PTPN13: variants seen among roughly 807,000 people sequenced by gnomAD.
PTPN13 encodes protein tyrosine phosphatase non-receptor type 13.
In PTPN13, 191 loss-of-function variants were observed where a neutral mutation model predicts 284.0. The observed-to-expected ratio is 0.67, with a 90% CI of 0.60 to 0.76. The LOEUF is 0.76. Ranked by LOEUF, PTPN13 falls within the 30% of genes least tolerant of loss-of-function variation. The probability of loss-of-function intolerance (pLI) is 0.00; values close to 1 mark genes in which losing one functional copy is unlikely to be tolerated. For synonymous variants in PTPN13, 986 were observed against 1,022.3 expected, an observed-to-expected ratio of 0.96 and a Z score of 0.68; for missense variants, 2,797 against 2,939.9, an observed-to-expected ratio of 0.95 and a Z score of 1.12.
chr4:86,713,260 G>GT (rs973771817), intron 7 of PTPN13, among the ~76,000 whole-genome samples: 3 of 151,978 alleles, frequency 2.0e-5, no homozygotes, highest in African/African-American at 7.2e-5. Flanking sequence ...ATTTGGTTAA[G>GT]TTTTTTTGGA....
At chr4:86,657,955 G>A (rs760535361) in intron 2 of PTPN13, among the ~76,000 whole-genome samples, 1 of 152,184 alleles carries the variant, frequency 6.6e-6, no homozygotes, top group African/African-American at 2.4e-5. Flanking sequence ...GCCACAGTTG[G>A]TTTTGCCCTG....
intron 9 of PTPN13, among the ~76,000 whole-genome samples, chr4:86,722,002 CT>C (rs1565412444): frequency 6.6e-6 from 1 of 152,042 alleles, no homozygotes; most frequent in Non-Finnish European, 1.5e-5. Flanking sequence ...CCGCCTTCAC[CT>C]CCCAAAGTGC....
intron 4 of PTPN13, among the ~76,000 whole-genome samples, chr4:86,687,518 G>GT (rs1325665122): frequency 3.9e-5 from 6 of 152,094 alleles, no homozygotes; most frequent in South Asian, 2.1e-4. Context: ...ACTAGGTGTG[G>GT]TTTTTTCTTA....
chr4:86,643,637 A>G (rs1490372279), intron 2 of PTPN13, among the ~76,000 whole-genome samples: 1 of 152,202 alleles, frequency 6.6e-6, no homozygotes, highest in Non-Finnish European at 1.5e-5. Flanking sequence ...ACTAAAAGAA[A>G]AAAGTGTGTA....
chr4:86,693,455 G>A, intron 5 of PTPN13, 132 bp from the exon 6 acceptor site: 1 of 505,356 alleles, frequency 2.0e-6, no homozygotes, highest in Non-Finnish European at 3.5e-6. Flanking sequence ...AAATACAATA[G>A]GACATAGAGT....
intron 42 of PTPN13, among the ~76,000 whole-genome samples, chr4:86,801,078 A>C (rs902652318): frequency 1.3e-5 from 2 of 152,240 alleles, no homozygotes; most frequent in Non-Finnish European, 2.9e-5. Flanking sequence ...GTCTATAGCA[A>C]GACGTTTCCC....
chr4:86,783,586 C>T (rs1741574877), intron 37 of PTPN13, among the ~76,000 whole-genome samples: 1 of 151,994 alleles, frequency 6.6e-6, no homozygotes, highest in African/African-American at 2.4e-5. Flanking sequence ...AATATCTATA[C>T]TATTAATTTC....
chr4:86,778,274 T>G (rs908778006), intron 35 of PTPN13, among the ~76,000 whole-genome samples: 1 of 152,232 alleles, frequency 6.6e-6, no homozygotes, highest in African/African-American at 2.4e-5. Flanking sequence ...AGGATTTTAC[T>G]GTACTTGCAA....
intron 47 of PTPN13, 133 bp downstream of exon 47, chr4:86,811,241 G>C (rs1413221470): frequency 1.4e-6 from 1 of 717,930 alleles, no homozygotes; most frequent in East Asian, 3.2e-5. Context: ...ACTGCAGTGA[G>C]GGGCATTTTT....
At chr4:86,785,479 A>G in intron 39 of PTPN13, 111 bp downstream of exon 39, 1 of 959,028 alleles carries the variant, frequency 1.0e-6, no homozygotes, top group Non-Finnish European at 1.5e-6. Flanking sequence ...TTCCTCATTC[A>G]TGTGTAATAT....
At chr4:86,608,696 C>G (rs1360414004) in intron 1 of PTPN13, among the ~76,000 whole-genome samples, 1 of 152,088 alleles carries the variant, frequency 6.6e-6, no homozygotes, top group Non-Finnish European at 1.5e-5. Flanking sequence ...TCTAGGCAAT[C>G]TGGTTCCGAA....
At position 86,700,066 on chromosome 4, in the gene PTPN13, ATG is replaced by A. The variant is rs1730988774; in HGVS notation, c.635-1173_635-1172del. ...GAAGATGAGGCACAATAAAAGCACA[ATG>A]TTTTAATCTTATCCTTAAGCAATTA... On this transcript the variant is annotated intron_variant, in intron 6 of 47. Coordinates refer to ENST00000411767, the MANE Select transcript of PTPN13 (RefSeq NM_080683.3). Among the ~76,000 whole-genome samples, 3 of 152,330 alleles carry A rather than the reference ATG, an allele frequency of 2.0e-5. No individual in the cohort carries two copies. The South Asian group carries it at 6.2e-4, about 32-fold the overall frequency.
chr4:86,613,609 G>A (rs1047742443), intron 1 of PTPN13, among the ~76,000 whole-genome samples: 4 of 146,130 alleles, frequency 2.7e-5, no homozygotes. Flanking sequence ...ACTCCAGCCT[G>A]GGCGACAAGG....
In PTPN13 at chr4:86,700,475, A is replaced by T. The variant is rs544057661; in HGVS notation, c.635-766A>T. The stretch of plus-strand genomic sequence containing the variant: ...TCACATTTATAGACTACTGCCTTTT[A>T]AAAAAAAGTAAAATGACTACTGATT... On this transcript the variant is annotated intron_variant, in intron 6 of 47. Transcript: ENST00000411767. 3.7e-4 allele frequency among the ~76,000 whole-genome samples: 57 copies of T among 152,026 alleles called. 1 individual carries two copies. Among genetic ancestry groups the T allele is most frequent in the African/African-American group, 1.2e-3 (50 of 41,510 alleles).
intron 1 of PTPN13, among the ~76,000 whole-genome samples, chr4:86,618,502 A>C (rs1223883459): frequency 6.6e-6 from 1 of 152,174 alleles, no homozygotes; most frequent in Non-Finnish European, 1.5e-5. Flanking sequence ...CATTGAATCT[A>C]TAAATTACCT....
chr4:86,739,970 G>A (rs1177498290), intron 15 of PTPN13, among the ~76,000 whole-genome samples: 3 of 152,218 alleles, frequency 2.0e-5, no homozygotes, highest in African/African-American at 7.2e-5. Flanking sequence ...CTCACATCCG[G>A]GTCAAGCTGA....
intron 2 of PTPN13, among the ~76,000 whole-genome samples, chr4:86,666,506 T>G (rs182055124): frequency 6.6e-6 from 1 of 152,344 alleles, no homozygotes; most frequent in Admixed American, 6.5e-5. Flanking sequence ...ATATTTCAAT[T>G]AATTATAATG....
At chr4:86,709,905 T>G (rs1026617634) in intron 7 of PTPN13, among the ~76,000 whole-genome samples, 2 of 152,200 alleles carry the variant, frequency 1.3e-5, no homozygotes, top group Non-Finnish European at 1.5e-5. Context: ...TCTTCATATA[T>G]CCTTCTTTAC....
At chr4:86,612,424 C>G (rs910010729) in intron 1 of PTPN13, among the ~76,000 whole-genome samples, 2 of 152,148 alleles carry the variant, frequency 1.3e-5, no homozygotes, top group South Asian at 2.1e-4. Context: ...AACAGAATAT[C>G]TGAGCTGTGG....
Sources: allele counts gnomAD v4.1 joint callset (sites outside exome capture counted in the v4.1 genomes callset), GRCh38; gene constraint gnomAD v4.1.1; transcripts MANE v1.5; gene names NCBI Gene and HGNC (gene_info 2026-07-23, HGNC 2026-07-21).